Variants in CDK15 observed in about 807,000 individuals in gnomAD.
CDK15 encodes the protein cyclin dependent kinase 15, also known as cyclin-dependent kinase 15.
A neutral mutation model predicts 60.3 loss-of-function variants in CDK15; 62 were observed. That is an observed-to-expected ratio of 1.03 (90% CI 0.84 to 1.27). The LOEUF is 1.27. Among genes scored for constraint, CDK15 ranks in the 50% most tolerant of loss-of-function variants. The pLI is 0.00. For synonymous variants in CDK15, 194 were observed against 195.7 expected (o/e 0.99, Z 0.07); for missense variants, 541 against 527.8 (o/e 1.03, Z -0.25).
intron 9 of CDK15, among the ~76,000 whole-genome samples, chr2:201,854,318 A>G (rs1210040085): frequency 6.6e-6 from 1 of 152,242 alleles, no homozygotes; most frequent in Non-Finnish European, 1.5e-5. Flanking sequence ...GATGAATGTA[A>G]TAGAAAAGAC....
chr2:201,877,459 T>C (rs6752497), intron 11 of CDK15, among the ~76,000 whole-genome samples: 121,121 of 152,118 alleles, frequency 0.8, 49,119 homozygotes, highest in Middle Eastern at 0.89. Flanking sequence ...CCAGAAAGCA[T>C]GAAGCCTGCA....
intron 4 of CDK15, among the ~76,000 whole-genome samples, chr2:201,822,309 C>T (rs77053119): frequency 1.1e-3 from 169 of 152,340 alleles, no homozygotes; most frequent in African/African-American, 3.9e-3. Context: ...CAGTTCTTTA[C>T]CCCATGCTTT....
chr2:201,847,301 G>T, intron 8 of CDK15, 80 bp from the exon 9 acceptor site: 1 of 1,332,914 alleles, frequency 7.5e-7, no homozygotes. Flanking sequence ...AATATTTCTT[G>T]GGAAGAGAAA....
At chr2:201,855,069 A>G in intron 10 of CDK15, 132 bp downstream of exon 10, 1 of 726,290 alleles carries the variant, frequency 1.4e-6, no homozygotes. Context: ...CTACATTCAT[A>G]TATTCCCTGA....
chr2:201,885,525 T>G (rs1699423555), intron 12 of CDK15, among the ~76,000 whole-genome samples: 1 of 152,200 alleles, frequency 6.6e-6, no homozygotes, highest in African/African-American at 2.4e-5. Flanking sequence ...TCACCTTCTA[T>G]GCACAAAGTT....
intron 9 of CDK15, among the ~76,000 whole-genome samples, chr2:201,851,313 A>AT (rs1201881317): frequency 1.3e-5 from 2 of 151,544 alleles, no homozygotes; most frequent in Non-Finnish European, 2.9e-5. Flanking sequence ...AAAAAAAAAA[A>AT]AAAAGAACAG....
At chr2:201,826,100 T>C (rs1441524008) in intron 6 of CDK15, among the ~76,000 whole-genome samples, 1 of 152,096 alleles carries the variant, frequency 6.6e-6, no homozygotes, top group Admixed American at 6.5e-5. Context: ...GTGTAGAATA[T>C]CAAGAAAGAA....
chr2:201,815,443 C>A (rs1049147222), intron 4 of CDK15, among the ~76,000 whole-genome samples: 2 of 152,148 alleles, frequency 1.3e-5, no homozygotes, highest in Non-Finnish European at 2.9e-5. Context: ...CAGCAATACA[C>A]AAAATAGATG....
chr2:201,812,474 C>A lies in CDK15; in HGVS notation c.369-9C>A. On this transcript the variant is annotated splice_polypyrimidine_tract_variant and intron_variant, in intron 3 of 13. Coordinates refer to ENST00000652192, the MANE Select transcript of CDK15 (RefSeq NM_001366386.2). ...AATAAGTGTGTGCCCCTCAATCCCT[C>A]TCTTCTAGAATAAATGGACAACTAG... The A allele has an allele frequency of 6.2e-7, 1 of 1,607,034 alleles. No individual in the cohort carries two copies. Among genetic ancestry groups the A allele is most frequent in the Non-Finnish European group, 8.5e-7 (1 of 1,174,690 alleles).
At chr2:201,857,109 C>G (rs1015082031) in intron 10 of CDK15, among the ~76,000 whole-genome samples, 4 of 80,046 alleles carry the variant, frequency 5.0e-5, no homozygotes, top group African/African-American at 9.8e-5. Context: ...GCCTGTAGTC[C>G]CAGCTACTCG....
In CDK15 at chr2:201,880,032, G is replaced by C. The variant is rs139951366; in HGVS notation, c.1063G>C (p.Gly355Arg). ...RSLHVVWNRLGRVPEAEDLAS... is the reference protein window; with the variant it reads ...RSLHVVWNRLRRVPEAEDLAS... ...TTTTCTCTCCCACTTTTCCAGGCTG[G>C]GCAGGGTTCCTGAAGCTGAAGACCT... is the stretch of plus-strand genomic sequence containing the variant. The change falls in exon 12 of 14, where the codon GGC becomes CGC. Residue 355 changes from glycine (G) to arginine (R), a missense_variant. Physicochemically the swap from Gly to Arg is moderately radical, Grantham distance 125. Coordinates refer to ENST00000652192, the MANE Select transcript of CDK15 (RefSeq NM_001366386.2). 1.4e-5 allele frequency: 22 copies of C among 1,613,812 alleles called. No individual in the cohort carries two copies. In the African/African-American group the frequency reaches 2.8e-4, roughly 21 times the overall value.
chr2:201,806,837 G>A, intron 1 of CDK15, 50 bp downstream of exon 1: 4 of 1,579,806 alleles, frequency 2.5e-6, no homozygotes, highest in Non-Finnish European at 3.4e-6. Flanking sequence ...AAACCAAGGA[G>A]TTCAGACACT....
intron 6 of CDK15, among the ~76,000 whole-genome samples, chr2:201,830,370 G>A (rs1324237076): frequency 1.3e-5 from 2 of 152,342 alleles, no homozygotes; most frequent in Non-Finnish European, 2.9e-5. Context: ...CATGGTCTAT[G>A]ATGCCAAATG....
chr2:201,860,006 AC>A (rs1250768614), intron 10 of CDK15, among the ~76,000 whole-genome samples: 2 of 152,172 alleles, frequency 1.3e-5, no homozygotes, highest in African/African-American at 2.4e-5. Flanking sequence ...ATAAAGAGAA[AC>A]TTTTTTTCTT....
intron 3 of CDK15, chr2:201,808,745 C>A (rs756938548): frequency 6.6e-6 from 1 of 152,236 alleles, no homozygotes; most frequent in African/African-American, 2.4e-5. Context: ...TTTCTTTGTT[C>A]CTTCTCCACT....
Position 201,890,867 on chromosome 2 carries a change from C to T in CDK15, c.1281C>T (p.His427=). 1.2e-6 allele frequency: 2 copies of T among 1,613,626 alleles called. No individual in the cohort carries two copies. Among genetic ancestry groups the T allele is most frequent in the Non-Finnish European group, 1.7e-6 (2 of 1,179,716 alleles). Reference sequence around the variant, plus strand: ...TGGCCTCCTACCAGAAAGGTCACCACCCAGCCCAGTTTAGCAAATGCTGGT... The same window carrying T: ...TGGCCTCCTACCAGAAAGGTCACCATCCAGCCCAGTTTAGCAAATGCTGGT... ...DLLASYQKGH[H]PAQFSKCW is the part of the protein sequence containing the mutation. The change falls in exon 13 of 14, where the codon CAC becomes CAT. Residue 427 remains histidine, a synonymous_variant. Coordinates refer to ENST00000652192, the MANE Select transcript of CDK15 (RefSeq NM_001366386.2).
chr2:201,854,858 G>C lies in CDK15; in HGVS notation c.946-16G>C, dbSNP rs779117119. On this transcript the variant is annotated splice_polypyrimidine_tract_variant and intron_variant, in intron 9 of 13. Coordinates refer to ENST00000652192, the MANE Select transcript of CDK15 (RefSeq NM_001366386.2). ...CCCCACCTCACCTTTCTTTTTCTTT[G>C]TTTGGCTTTATATAGGTGCTGGGAG... The C allele has an allele frequency of 3.7e-6, 6 of 1,612,862 alleles. No individual in the cohort carries two copies. Among genetic ancestry groups the C allele is most frequent in the African/African-American group, 1.3e-5 (1 of 74,814 alleles).
chr2:201,820,985 C>A (rs1370018613), intron 4 of CDK15, among the ~76,000 whole-genome samples: 1 of 152,114 alleles, frequency 6.6e-6, no homozygotes, highest in Non-Finnish European at 1.5e-5. Flanking sequence ...TTCACTGGCT[C>A]ACAGATCTGA....
At chr2:201,837,629 G>A (rs756298955) in intron 8 of CDK15, among the ~76,000 whole-genome samples, 7 of 152,076 alleles carry the variant, frequency 4.6e-5, no homozygotes, top group Non-Finnish European at 7.4e-5. Context: ...ATCCTAGAAC[G>A]GCAGTGTTAT....
Sources: gnomAD v4.1 joint callset for allele counts (sites outside exome capture counted in the v4.1 genomes callset) on GRCh38, gnomAD v4.1.1 for gene constraint, MANE v1.5 for transcripts, NCBI Gene and HGNC (gene_info 2026-07-23, HGNC 2026-07-21) for gene names.